The following CWC27 variants were observed in gnomAD, a reference collection of about 807,000 sequenced individuals.
The protein encoded by CWC27 is spliceosome-associated protein CWC27 homolog.
Under a neutral mutation model 63.6 loss-of-function variants are expected in CWC27, and 47 were observed. The ratio of observed to expected loss-of-function variants is 0.74; its 90% CI spans 0.58 to 0.94. The LOEUF (loss-of-function observed/expected upper bound fraction) is 0.94, where lower values mean the gene tolerates loss of function less well. Ranked by LOEUF, CWC27 falls within the 40% of genes least tolerant of loss-of-function variation. The probability of loss-of-function intolerance (pLI) is 0.00; values close to 1 mark genes in which losing one functional copy is unlikely to be tolerated. For missense variants in CWC27, 495 were observed against 554.3 expected (o/e 0.89, Z 1.07); for synonymous variants, 175 against 179.8 (o/e 0.97, Z 0.22).
At chr5:64,814,347 G>A (rs980034010) in intron 10 of CWC27, among the ~76,000 whole-genome samples, 10 of 152,002 alleles carry the variant, frequency 6.6e-5, no homozygotes, top group African/African-American at 2.4e-4. Context: ...TTTCTAATAA[G>A]CAACTTGAAA....
intron 11 of CWC27, among the ~76,000 whole-genome samples, chr5:64,963,716 G>T (rs1580752404): frequency 6.6e-6 from 1 of 152,144 alleles, no homozygotes; most frequent in Admixed American, 6.5e-5. Context: ...CTTAATCATG[G>T]TATCACAGAT....
chr5:64,836,860 C>T (rs528830100), intron 10 of CWC27, among the ~76,000 whole-genome samples: 1 of 152,034 alleles, frequency 6.6e-6, no homozygotes, highest in African/African-American at 2.4e-5. Context: ...ATGTGCCCAT[C>T]ATTGAGTGCT....
intron 10 of CWC27, among the ~76,000 whole-genome samples, chr5:64,843,399 C>T (rs1196575134): frequency 1.3e-5 from 2 of 152,324 alleles, no homozygotes; most frequent in East Asian, 3.9e-4. Flanking sequence ...ATTTGCTGCA[C>T]ATATGTGGGA....
intron 10 of CWC27, among the ~76,000 whole-genome samples, chr5:64,860,731 A>G (rs1580682082): frequency 1.3e-5 from 2 of 152,308 alleles, no homozygotes; most frequent in South Asian, 2.1e-4. Flanking sequence ...GTATTTCTTC[A>G]TAACTTTAAG....
At chr5:64,822,076 A>G (rs1745213513) in intron 10 of CWC27, among the ~76,000 whole-genome samples, 1 of 152,208 alleles carries the variant, frequency 6.6e-6, no homozygotes, top group Non-Finnish European at 1.5e-5. Context: ...GATGGTAGAA[A>G]ACAATACAAA....
At chr5:64,885,607 C>A in intron 11 of CWC27, 61 bp downstream of exon 11, 1 of 1,242,944 alleles carries the variant, frequency 8.0e-7, no homozygotes. Flanking sequence ...GTTTTCTTAG[C>A]TCCTCCCTGC....
At chr5:64,931,509 C>T (rs187503812) in intron 11 of CWC27, among the ~76,000 whole-genome samples, 1 of 151,680 alleles carries the variant, frequency 6.6e-6, no homozygotes, top group East Asian at 1.9e-4. Flanking sequence ...ATATTTTAAA[C>T]ATACAGAAAG....
At chr5:64,921,748 G>A (rs929181080) in intron 11 of CWC27, among the ~76,000 whole-genome samples, 2 of 152,132 alleles carry the variant, frequency 1.3e-5, no homozygotes, top group African/African-American at 4.8e-5. Flanking sequence ...TTGCTTTATA[G>A]TGTCAGTGGG....
chr5:64,951,222 C>A (rs953469592), intron 11 of CWC27, among the ~76,000 whole-genome samples: 3 of 151,770 alleles, frequency 2.0e-5, no homozygotes, highest in Non-Finnish European at 4.4e-5. Flanking sequence ...TGCATCAAAT[C>A]CTTGTCAATT....
intron 11 of CWC27, among the ~76,000 whole-genome samples, chr5:64,917,523 C>T (rs928224007): frequency 6.6e-6 from 1 of 152,082 alleles, no homozygotes; most frequent in African/African-American, 2.4e-5. Flanking sequence ...AGACATTATT[C>T]TCTGTGTGTC....
intron 2 of CWC27, among the ~76,000 whole-genome samples, chr5:64,780,399 T>G (rs1743626578): frequency 6.6e-6 from 1 of 151,396 alleles, no homozygotes; most frequent in Non-Finnish European, 1.5e-5. Context: ...TCAACTCTTT[T>G]GGATGTATAT....
At chr5:64,818,569 G>A (rs1408839392) in intron 10 of CWC27, among the ~76,000 whole-genome samples, 4 of 152,178 alleles carry the variant, frequency 2.6e-5, no homozygotes, top group Non-Finnish European at 4.4e-5. Flanking sequence ...ACATAGGCCT[G>A]GGACAAAGAC....
At chr5:64,991,899 T>G (rs1431508528) in intron 13 of CWC27, among the ~76,000 whole-genome samples, 1 of 152,176 alleles carries the variant, frequency 6.6e-6, no homozygotes, top group Non-Finnish European at 1.5e-5. Flanking sequence ...TAAAACCACT[T>G]GTTAAGGGTA....
intron 10 of CWC27, among the ~76,000 whole-genome samples, chr5:64,879,821 G>GA (rs1746892994): frequency 1.3e-5 from 2 of 151,362 alleles, no homozygotes; most frequent in African/African-American, 4.8e-5. Context: ...CCAAAGGTGT[G>GA]AAAAAATTGA....
intron 11 of CWC27, among the ~76,000 whole-genome samples, chr5:64,905,098 G>T (rs1747599037): frequency 6.6e-6 from 1 of 151,118 alleles, no homozygotes; most frequent in South Asian, 2.1e-4. Flanking sequence ...CTACTCAGGA[G>T]GCTGAGGCAG....
At chr5:64,952,113 G>A (rs1479687554) in intron 11 of CWC27, among the ~76,000 whole-genome samples, 1 of 151,796 alleles carries the variant, frequency 6.6e-6, no homozygotes, top group African/African-American at 2.4e-5. Flanking sequence ...TAACCCAAGT[G>A]CATCCTTCCA....
chr5:64,878,522 C>G (rs1221130207), intron 10 of CWC27, among the ~76,000 whole-genome samples: 1 of 115,688 alleles, frequency 8.6e-6, no homozygotes, highest in Non-Finnish European at 1.7e-5. Flanking sequence ...TGTGCCTACT[C>G]ATATTAATCC....
intron 10 of CWC27, among the ~76,000 whole-genome samples, chr5:64,866,508 A>C (rs1373854084): frequency 6.6e-6 from 1 of 152,052 alleles, no homozygotes; most frequent in East Asian, 1.9e-4. Flanking sequence ...TTGATTTAAA[A>C]TCCTTCTTCT....
intron 13 of CWC27, among the ~76,000 whole-genome samples, chr5:64,999,195 T>C (rs981192737): frequency 6.6e-6 from 1 of 152,180 alleles, no homozygotes; most frequent in Non-Finnish European, 1.5e-5. Flanking sequence ...TTTTTTCAGA[T>C]ATGCTTGTAC....
Sources: gnomAD v4.1 joint callset for allele counts (sites outside exome capture counted in the v4.1 genomes callset) on GRCh38, gnomAD v4.1.1 for gene constraint, MANE v1.5 for transcripts, NCBI Gene and HGNC (gene_info 2026-07-23, HGNC 2026-07-21) for gene names.